C3orf20: variants seen among roughly 807,000 people sequenced by gnomAD.
C3orf20 encodes uncharacterized protein C3orf20.
A neutral mutation model predicts 88.3 loss-of-function variants in C3orf20; 76 were observed. The ratio of observed to expected loss-of-function variants is 0.86; its 90% CI spans 0.72 to 1.04. C3orf20 has a LOEUF of 1.04. Ranked by LOEUF, C3orf20 falls within the 50% of genes least tolerant of loss-of-function variation. C3orf20 has a pLI of 0.00. For missense variants in C3orf20, 1,056 were observed against 1,123.3 expected, an observed-to-expected ratio of 0.94 and a Z score of 0.86; for synonymous variants, 436 against 437.4, an observed-to-expected ratio of 1.00 and a Z score of 0.04.
At chr3:14,763,241 T>A (rs2035609447) in intron 15 of C3orf20, among the ~76,000 whole-genome samples, 1 of 152,154 alleles carries the variant, frequency 6.6e-6, no homozygotes, top group African/African-American at 2.4e-5. Context: ...CTATGGTGCA[T>A]GGGGAGTGAA....
chr3:14,701,687 C>T lies in C3orf20; in HGVS notation c.746-1443C>T, dbSNP rs888412281. Among the ~76,000 whole-genome samples the T allele has an allele frequency of 1.3e-5, 2 of 152,126 alleles. No homozygotes were observed. The highest frequency in any genetic ancestry group is 2.9e-5 in the Non-Finnish European group (2 of 68,024). On this transcript the variant is annotated intron_variant, in intron 5 of 16. Coordinates refer to ENST00000253697, the MANE Select transcript of C3orf20 (RefSeq NM_032137.5). This position sits in a 1 kb window ranked among gnomAD's most constrained non-coding sequence, Gnocchi z 4.6. ...CTCCCTCGAGAAGACCCAAGATTAG[C>T]CATCATCAGAGAAGTTTTCAAGCTG...
At chr3:14,678,403 C>T (rs577212349) in intron 1 of C3orf20, among the ~76,000 whole-genome samples, 1 of 152,332 alleles carries the variant, frequency 6.6e-6, no homozygotes, top group African/African-American at 2.4e-5. Context: ...AGTGACACTT[C>T]CTTCTCTGGG....
intron 4 of C3orf20, among the ~76,000 whole-genome samples, chr3:14,689,204 T>G (rs2032591368): frequency 6.6e-6 from 1 of 152,192 alleles, no homozygotes; most frequent in African/African-American, 2.4e-5. Context: ...TCTTTTCATT[T>G]CTACCAAGTT....
Position 14,726,901 on chromosome 3 carries a change from C to T in C3orf20, c.1567C>T (p.Leu523=). Residue 523 remains leucine, a splice_region_variant and synonymous_variant, in exon 11 of 17, where the codon CTG becomes TTG. Coordinates refer to ENST00000253697, the MANE Select transcript of C3orf20 (RefSeq NM_032137.5). ...CPHGMAYDKR[L]NRRISNMDDK... ...CGCCCTCCCCTTTGCCCCTCTCCAG[C>T]TGAACCGCAGAATCAGCAACATGGA... 1 of 1,614,004 alleles carries T rather than the reference C, an allele frequency of 6.2e-7. No homozygotes were observed. Among genetic ancestry groups the T allele is most frequent in the Non-Finnish European group, 8.5e-7 (1 of 1,180,004 alleles).
intron 15 of C3orf20, among the ~76,000 whole-genome samples, chr3:14,766,774 C>T (rs1172682700): frequency 6.6e-6 from 1 of 152,184 alleles, no homozygotes; most frequent in Non-Finnish European, 1.5e-5. Flanking sequence ...CCTGCCAGCA[C>T]CCAGGATGCA....
At chr3:14,677,757 T>TC (rs1486263457) in intron 1 of C3orf20, among the ~76,000 whole-genome samples, 5 of 152,134 alleles carry the variant, frequency 3.3e-5, no homozygotes, top group African/African-American at 1.2e-4. Context: ...CGCCTCGGCC[T>TC]CCCAAAGTGC....
Position 14,727,905 on chromosome 3 carries a change from T to G in C3orf20, c.1691-534T>G, listed in dbSNP as rs115765510. ...ATTTCTGGAGTCTGGGAGTTCTGTC[T>G]TGGGGTGCCTCTGCATGCTCAGCAC... is the stretch of plus-strand genomic sequence containing the variant. On this transcript the variant is annotated intron_variant, in intron 11 of 16. Coordinates refer to ENST00000253697, the MANE Select transcript of C3orf20 (RefSeq NM_032137.5). 2.6e-3 allele frequency among the ~76,000 whole-genome samples: 397 copies of G among 152,324 alleles called. 2 individuals carry two copies. Among genetic ancestry groups the G allele is most frequent in the African/African-American group, 9.2e-3 (382 of 41,584 alleles).
chr3:14,703,167 C>A lies in C3orf20; in HGVS notation c.783C>A (p.Pro261=), dbSNP rs751845429. The change falls in exon 6 of 17, where the codon CCC becomes CCA. Residue 261 remains proline (P), a synonymous_variant. Transcript: ENST00000253697. Reference sequence around the variant, plus strand: ...CTACAGAAGATGTCAGCATGCCGCCCCTGCATCGAGGAGTGGGAACCCCTG... The same window carrying A: ...CTACAGAAGATGTCAGCATGCCGCCACTGCATCGAGGAGTGGGAACCCCTG... ...SRTTEDVSMP[P]LHRGVGTPAN... The A allele has an allele frequency of 6.2e-7, 1 of 1,614,196 alleles. No individual in the cohort carries two copies. Among genetic ancestry groups the A allele is most frequent in the South Asian group, 1.1e-5 (1 of 91,092 alleles).
At chr3:14,719,379 T>A (rs894963109) in intron 9 of C3orf20, among the ~76,000 whole-genome samples, 1 of 152,158 alleles carries the variant, frequency 6.6e-6, no homozygotes, top group Non-Finnish European at 1.5e-5. Flanking sequence ...AAAGGGGTCA[T>A]TTCAATAAAA....
chr3:14,721,853 T>A, intron 10 of C3orf20, 69 bp downstream of exon 10: 1 of 1,588,958 alleles, frequency 6.3e-7, no homozygotes, highest in Non-Finnish European at 8.6e-7. Flanking sequence ...CTGTTTCATA[T>A]CTCAGGGCCT....
At chr3:14,679,541 A>G (rs2031969011) in intron 1 of C3orf20, among the ~76,000 whole-genome samples, 1 of 152,208 alleles carries the variant, frequency 6.6e-6, no homozygotes, top group Non-Finnish European at 1.5e-5. Flanking sequence ...GCCACCTTTA[A>G]TGCGAAGTTT....
chr3:14,705,689 A>C (rs993806780), intron 7 of C3orf20, among the ~76,000 whole-genome samples: 6 of 152,192 alleles, frequency 3.9e-5, no homozygotes, highest in East Asian at 1.9e-4. Flanking sequence ...TGTCTCATTC[A>C]TTTGACCACA....
At chr3:14,707,757 G>T (rs2033575591) in intron 7 of C3orf20, among the ~76,000 whole-genome samples, 1 of 150,594 alleles carries the variant, frequency 6.6e-6, no homozygotes, top group Non-Finnish European at 1.5e-5. Flanking sequence ...TTATGCATTT[G>T]GCTTTATGTC....
chr3:14,678,339 A>T (rs1344680726), intron 1 of C3orf20, among the ~76,000 whole-genome samples: 1 of 152,206 alleles, frequency 6.6e-6, no homozygotes, highest in East Asian at 1.9e-4. Context: ...GCTCAAGGTC[A>T]CATTGCCTAA....
At chr3:14,713,928 T>C in intron 7 of C3orf20, 79 bp from the exon 8 acceptor site, 1 of 1,508,348 alleles carries the variant, frequency 6.6e-7, no homozygotes, top group East Asian at 2.3e-5. Context: ...CACTTTGACA[T>C]GTGGACTTGC....
intron 15 of C3orf20, among the ~76,000 whole-genome samples, chr3:14,764,149 A>G (rs1005277750): frequency 2.6e-5 from 4 of 152,172 alleles, no homozygotes; most frequent in Non-Finnish European, 5.9e-5. Context: ...CACAAACTAG[A>G]CACACATACA....
chr3:14,680,338 T>C (rs541728133), intron 1 of C3orf20, among the ~76,000 whole-genome samples: 2 of 152,340 alleles, frequency 1.3e-5, no homozygotes, highest in South Asian at 4.1e-4. Flanking sequence ...AGTGAAGTAC[T>C]GATACATGCT....
chr3:14,727,201 A>AG (rs1414680368), intron 11 of C3orf20, among the ~76,000 whole-genome samples, 177 bp downstream of exon 11: 1 of 152,200 alleles, frequency 6.6e-6, no homozygotes, highest in East Asian at 1.9e-4. Context: ...CACTGGGCTC[A>AG]GGTCACTTAA....
At chr3:14,771,167 C>A (rs1340220024) in intron 15 of C3orf20, among the ~76,000 whole-genome samples, 2 of 152,224 alleles carry the variant, frequency 1.3e-5, no homozygotes, top group Non-Finnish European at 2.9e-5. Flanking sequence ...TCGCCCCTTT[C>A]CCTGTGTGAA....
Sources: gnomAD v4.1 joint callset for allele counts (sites outside exome capture counted in the v4.1 genomes callset) on GRCh38, gnomAD v4.1.1 for gene constraint, Gnocchi (gnomAD v3.1) non-coding constraint, MANE v1.5 for transcripts, NCBI Gene and HGNC (gene_info 2026-07-23, HGNC 2026-07-21) for gene names.